ZNF407: variants seen among roughly 807,000 people sequenced by gnomAD.
ZNF407 encodes the protein zinc finger protein 407.
Under a neutral mutation model 131.2 loss-of-function variants are expected in ZNF407, and 17 were observed. The ratio of observed to expected loss-of-function variants is 0.13; its 90% CI spans 0.09 to 0.19. ZNF407 has a LOEUF of 0.19. ZNF407 is among the 10% of genes least tolerant of loss of function. The pLI is 1.00. For synonymous variants in ZNF407, 1,156 were observed against 1,062.0 expected (o/e 1.09, Z -1.72); for missense variants, 2,681 against 2,830.6 (o/e 0.95, Z 1.20).
rs761896541 is a variant in ZNF407, at chr18:74,635,567, G to C, written c.4548G>C (p.Val1516=). 1 of 1,613,944 alleles carries C rather than the reference G, an allele frequency of 6.2e-7. No individual in the cohort carries two copies. Among genetic ancestry groups the C allele is most frequent in the East Asian group, 2.2e-5 (1 of 44,888 alleles). The change falls in exon 2 of 9, where the codon GTG becomes GTC. Residue 1516 remains valine (V), a synonymous_variant. Transcript: ENST00000299687. This position sits in a 1 kb window ranked among gnomAD's most constrained non-coding sequence, Gnocchi z 4.7. ...KGQHEELLRE[V]NKYIVEDTEQ... ...AGCATGAGGAATTGCTGCGGGAGGT[G>C]AATAAGTATATAGTGGAAGACACTG...
chr18:74,798,478 A>G (rs1175842607), intron 4 of ZNF407, among the ~76,000 whole-genome samples: 1 of 152,150 alleles, frequency 6.6e-6, no homozygotes, highest in Non-Finnish European at 1.5e-5. Context: ...TTATGCAATG[A>G]TGAGGGATTA....
chr18:75,016,456 GTAT>G lies in ZNF407; in HGVS notation c.5429-46690_5429-46688del, dbSNP rs530170211. ...GTAATGTTATTGCTATATAATGAGC[GTAT>G]TATAAGGTACACTTCAGATGTCAGA... On this transcript the variant is annotated intron_variant, in intron 8 of 8. Coordinates refer to ENST00000299687, the MANE Select transcript of ZNF407 (RefSeq NM_017757.3). Among the ~76,000 whole-genome samples, 33 of 152,128 alleles carry G rather than the reference GTAT, an allele frequency of 2.2e-4. No homozygotes were observed. The South Asian group carries it at 6.0e-3, about 28-fold the overall frequency.
chr18:74,768,471 T>C (rs555273416), intron 3 of ZNF407, among the ~76,000 whole-genome samples: 59 of 152,374 alleles, frequency 3.9e-4, no homozygotes, highest in African/African-American at 1.4e-3. Context: ...ATTGGTGTTT[T>C]ATTCCTTGAC....
At chr18:74,774,558 G>T (rs904864922) in intron 3 of ZNF407, among the ~76,000 whole-genome samples, 12 of 152,196 alleles carry the variant, frequency 7.9e-5, no homozygotes, top group African/African-American at 2.2e-4. Flanking sequence ...ATTCGTAGGT[G>T]ATGTTCTTGC....
chr18:74,779,751 T>G (rs1272863918), intron 3 of ZNF407, among the ~76,000 whole-genome samples: 3 of 152,158 alleles, frequency 2.0e-5, no homozygotes, highest in African/African-American at 7.2e-5. Context: ...GTATTTTAAT[T>G]AATAATTTTG....
chr18:74,603,052 C>T (rs552845264), intron 1 of ZNF407, among the ~76,000 whole-genome samples: 1 of 152,244 alleles, frequency 6.6e-6, no homozygotes, highest in East Asian at 1.9e-4. Flanking sequence ...CATTTGGAAG[C>T]AGGGGCCAAA....
At chr18:74,766,837 A>G (rs1224810559) in intron 3 of ZNF407, among the ~76,000 whole-genome samples, 5 of 152,210 alleles carry the variant, frequency 3.3e-5, no homozygotes, top group African/African-American at 7.2e-5. Context: ...TCGTTAACAC[A>G]TATTATTTTA....
chr18:74,971,473 C>G lies in ZNF407; in HGVS notation c.5428+50781C>G, dbSNP rs575009617. Among the ~76,000 whole-genome samples the G allele has an allele frequency of 3.3e-5, 5 of 152,282 alleles. No individual in the cohort carries two copies. In the South Asian group the frequency reaches 8.3e-4, roughly 25 times the overall value. The stretch of plus-strand genomic sequence containing the variant: ...TTAGAAATTTCTTCTGCCAGATACC[C>G]TAAATCATTTCTCTCAAGTTCAAAG... On this transcript the variant is annotated intron_variant, in intron 8 of 8. Transcript: ENST00000299687.
chr18:74,771,710 T>A (rs1180645924), intron 3 of ZNF407, among the ~76,000 whole-genome samples: 1 of 152,122 alleles, frequency 6.6e-6, no homozygotes, highest in African/African-American at 2.4e-5. Flanking sequence ...ATGATCATCT[T>A]TATTTTTAAG....
intron 3 of ZNF407, among the ~76,000 whole-genome samples, chr18:74,704,421 C>T (rs1447998661): frequency 2.6e-5 from 4 of 152,038 alleles, no homozygotes; most frequent in African/African-American, 4.8e-5. Context: ...GGAAAAAGGC[C>T]GGTTCAGTAG....
At chr18:74,937,720 TATTTTATACATATCACATG>T (rs1336789878) in intron 8 of ZNF407, among the ~76,000 whole-genome samples, 3 of 152,242 alleles carry the variant, frequency 2.0e-5, no homozygotes, top group East Asian at 3.8e-4. Flanking sequence ...ATGTCTACCA[TATTTTATACATATCACATG>T]TTGGATTTGC....
chr18:74,805,429 A>G (rs1480322272), intron 4 of ZNF407, among the ~76,000 whole-genome samples: 3 of 152,230 alleles, frequency 2.0e-5, no homozygotes, highest in Non-Finnish European at 4.4e-5. Flanking sequence ...TTATAGTTGT[A>G]GTGATAAAGA....
intron 8 of ZNF407, among the ~76,000 whole-genome samples, chr18:75,009,019 C>T (rs1568299456): frequency 6.6e-6 from 1 of 152,126 alleles, no homozygotes; most frequent in Admixed American, 6.5e-5. Context: ...ACCCATTATC[C>T]TCCTTACAGC....
chr18:74,820,399 A>G (rs577674166), intron 4 of ZNF407, among the ~76,000 whole-genome samples: 67 of 152,310 alleles, frequency 4.4e-4, no homozygotes, highest in African/African-American at 1.2e-3. Flanking sequence ...AGGGATTCAC[A>G]TTCATCAGTC....
At chr18:74,957,726 G>A (rs1262621114) in intron 8 of ZNF407, among the ~76,000 whole-genome samples, 2 of 152,134 alleles carry the variant, frequency 1.3e-5, no homozygotes, top group Non-Finnish European at 2.9e-5. Context: ...CAGACTGGGC[G>A]GGGATTTTAA....
intron 1 of ZNF407, among the ~76,000 whole-genome samples, chr18:74,613,166 A>G (rs544048780): frequency 3.0e-4 from 45 of 152,358 alleles, no homozygotes; most frequent in African/African-American, 1.0e-3. Flanking sequence ...TCTGGAAATC[A>G]TACTTCTTTG....
At chr18:74,974,677 A>T (rs192389968) in intron 8 of ZNF407, among the ~76,000 whole-genome samples, 1 of 152,292 alleles carries the variant, frequency 6.6e-6, no homozygotes, top group Non-Finnish European at 1.5e-5. Flanking sequence ...TTAGTACCCC[A>T]CATGGAAGTT....
chr18:74,894,663 T>C (rs1285794690), intron 7 of ZNF407, among the ~76,000 whole-genome samples: 2 of 152,124 alleles, frequency 1.3e-5, no homozygotes, highest in East Asian at 3.8e-4. Context: ...GGATATATAA[T>C]AAATGCATAT....
At chr18:74,781,992 T>A (rs2145029833) in intron 4 of ZNF407, among the ~76,000 whole-genome samples, 1 of 152,332 alleles carries the variant, frequency 6.6e-6, no homozygotes, top group African/African-American at 2.4e-5. Context: ...ACAATTATTA[T>A]GTCATCAACT....
Sources: allele counts gnomAD v4.1 joint callset (sites outside exome capture counted in the v4.1 genomes callset), GRCh38; gene constraint gnomAD v4.1.1; non-coding constraint Gnocchi (gnomAD v3.1); transcripts MANE v1.5; gene names NCBI Gene and HGNC (gene_info 2026-07-23, HGNC 2026-07-21).